CFAP54: variants seen among roughly 807,000 people sequenced by gnomAD.
CFAP54 encodes cilia and flagella associated protein 54.
In CFAP54, 290 loss-of-function variants were observed where a neutral mutation model predicts 370.4. The ratio of observed to expected loss-of-function variants is 0.78; its 90% CI spans 0.71 to 0.86. The LOEUF is 0.86. Ranked by LOEUF, CFAP54 falls within the 40% of genes least tolerant of loss-of-function variation. The pLI is 0.00. For missense variants in CFAP54, 3,399 were observed against 3,528.7 expected (o/e 0.96, Z 0.93); for synonymous variants, 1,206 against 1,236.5 (o/e 0.98, Z 0.52).
chr12:96,615,946 A>G (rs1393752183), intron 26 of CFAP54, among the ~76,000 whole-genome samples: 1 of 152,214 alleles, frequency 6.6e-6, no homozygotes, highest in African/African-American at 2.4e-5. Flanking sequence ...ATTGTGGAAG[A>G]CAGTGTGGCG....
At chr12:96,544,870 A>G (rs1473441403) in intron 14 of CFAP54, among the ~76,000 whole-genome samples, 1 of 150,480 alleles carries the variant, frequency 6.6e-6, no homozygotes, top group Non-Finnish European at 1.5e-5. Context: ...AGCATCAGTG[A>G]TAGGGGGCTG....
intron 63 of CFAP54, among the ~76,000 whole-genome samples, chr12:96,796,254 C>T (rs901486003): frequency 3.9e-5 from 6 of 152,194 alleles, no homozygotes; most frequent in African/African-American, 7.2e-5. Flanking sequence ...TCTGTCCATT[C>T]GAGTGGGAAC....
At chr12:96,621,884 T>G (rs919812910) in intron 27 of CFAP54, among the ~76,000 whole-genome samples, 163 bp downstream of exon 27, 12 of 128,594 alleles carry the variant, frequency 9.3e-5, no homozygotes, top group South Asian at 8.5e-4. Context: ...TGTTTTTTTT[T>G]TTTTTTTTTT....
intron 5 of CFAP54, 132 bp from the exon 6 acceptor site, chr12:96,518,796 C>T (rs1319832318): frequency 2.6e-6 from 2 of 763,416 alleles, no homozygotes; most frequent in Middle Eastern, 3.9e-4. Flanking sequence ...CTTCTTGACA[C>T]GTTATTTATG....
intron 65 of CFAP54, among the ~76,000 whole-genome samples, chr12:96,826,754 T>C (rs1486669285): frequency 3.6e-5 from 4 of 112,420 alleles, no homozygotes; most frequent in Non-Finnish European, 6.5e-5. Flanking sequence ...TCTTATATAA[T>C]ACATATTAAT....
chr12:96,687,813 G>A (rs1039360671), intron 42 of CFAP54, among the ~76,000 whole-genome samples: 3 of 152,192 alleles, frequency 2.0e-5, no homozygotes, highest in Non-Finnish European at 2.9e-5. Context: ...GAATGGAAAA[G>A]CCAAGGAAAG....
Position 96,500,816 on chromosome 12 carries a change from A to G in CFAP54, c.318-18A>G. On this transcript the variant is annotated intron_variant, in intron 1 of 67. Coordinates refer to ENST00000524981, the MANE Select transcript of CFAP54 (RefSeq NM_001306084.2). ...CTGCAGACTTTGACAATGTCGTTTT[A>G]TTTTATGATTTTTACAGTGCCACTT... The G allele has an allele frequency of 6.7e-7, 1 of 1,498,838 alleles. No homozygotes were observed. The highest frequency in any genetic ancestry group is 1.3e-5 in the South Asian group (1 of 79,970). The allele number at this position is 1,498,838 out of a possible 1,614,324, so 92.8% of individuals were successfully genotyped here.
chr12:96,733,706 A>G (rs1331749864), intron 50 of CFAP54, among the ~76,000 whole-genome samples: 1 of 152,144 alleles, frequency 6.6e-6, no homozygotes, highest in Non-Finnish European at 1.5e-5. Context: ...CATACTTTCT[A>G]TCTGTCTAGT....
At chr12:96,681,017 A>G (rs1957263118) in intron 40 of CFAP54, among the ~76,000 whole-genome samples, 1 of 152,036 alleles carries the variant, frequency 6.6e-6, no homozygotes. Context: ...GGCGGGGCAG[A>G]GGTTGCAGTG....
chr12:96,647,841 A>C, intron 33 of CFAP54, 34 bp from the exon 34 acceptor site: 1 of 1,470,336 alleles, frequency 6.8e-7, no homozygotes, highest in Non-Finnish European at 8.9e-7. Context: ...TTTTGCTTAT[A>C]TTGTTTTTTA....
chr12:96,867,116 T>A (rs961535701), intron 67 of CFAP54, among the ~76,000 whole-genome samples: 2 of 152,136 alleles, frequency 1.3e-5, no homozygotes, highest in Non-Finnish European at 2.9e-5. Flanking sequence ...AAAAATTAAA[T>A]CTTCATTTTG....
intron 12 of CFAP54, among the ~76,000 whole-genome samples, chr12:96,537,337 C>A (rs1955517166): frequency 6.6e-6 from 1 of 151,918 alleles, no homozygotes; most frequent in Non-Finnish European, 1.5e-5. Context: ...CCCCCTGCTC[C>A]AATTCCTTAT....
chr12:96,619,857 G>A (rs1226404854), intron 26 of CFAP54, among the ~76,000 whole-genome samples: 1 of 151,860 alleles, frequency 6.6e-6, no homozygotes, highest in Non-Finnish European at 1.5e-5. Context: ...AATGAGATTT[G>A]ACTGTTTTGC....
chr12:96,650,022 T>C lies in CFAP54; in HGVS notation c.4822T>C (p.Cys1608Arg). ...AKEKDRGANL[C>R]VMDHFMKIFL... The stretch of plus-strand genomic sequence containing the variant: ...AGAAAAGGACCGAGGAGCAAATTTG[T>C]GTGTAATGGATCATTTTATGAAAAT... Residue 1608 changes from cysteine (C) to arginine (R), a missense_variant, in exon 35 of 68, where the codon TGT becomes CGT. This residue lies in a region of CFAP54 where 2,796 missense variants were observed against 2,869.7 expected (regional missense o/e 0.97). Transcript: ENST00000524981. 1 of 1,613,534 alleles carries C rather than the reference T, an allele frequency of 6.2e-7. No individual in the cohort carries two copies. Among genetic ancestry groups the C allele is most frequent in the Admixed American group, 1.7e-5 (1 of 59,890 alleles).
At chr12:96,797,736 C>A (rs1037945050) in intron 63 of CFAP54, among the ~76,000 whole-genome samples, 1 of 151,944 alleles carries the variant, frequency 6.6e-6, no homozygotes, top group Non-Finnish European at 1.5e-5. Flanking sequence ...TTGCTTTCAA[C>A]CCTTCCATGT....
At chr12:96,872,874 C>G (rs1960204741) in intron 67 of CFAP54, among the ~76,000 whole-genome samples, 1 of 152,080 alleles carries the variant, frequency 6.6e-6, no homozygotes, top group African/African-American at 2.4e-5. Flanking sequence ...TATCCCCAAA[C>G]TAAGACAGCT....
chr12:96,827,826 T>C (rs1959137511), intron 65 of CFAP54, among the ~76,000 whole-genome samples: 1 of 112,228 alleles, frequency 8.9e-6, no homozygotes, highest in African/African-American at 3.6e-5. Context: ...ATATTATATA[T>C]AGTTATATAT....
intron 5 of CFAP54, among the ~76,000 whole-genome samples, chr12:96,515,955 G>A (rs1295796394): frequency 7.7e-6 from 1 of 129,660 alleles, no homozygotes; most frequent in Non-Finnish European, 1.6e-5. Context: ...TCGCTCTGTC[G>A]CCCAGGCTGG....
Position 96,744,102 on chromosome 12 carries a change from A to G in CFAP54, c.7640A>G (p.Tyr2547Cys), listed in dbSNP as rs148477724. 1,300 of 1,610,122 alleles carry G rather than the reference A, an allele frequency of 8.1e-4. No individual in the cohort carries two copies. Among genetic ancestry groups the G allele is most frequent in the Non-Finnish European group, 1.0e-3 (1,221 of 1,177,058 alleles). The change falls in exon 55 of 68, where the codon TAT becomes TGT. Residue 2547 changes from tyrosine (Y) to cysteine (C), a missense_variant. By Grantham distance (194) the Tyr-to-Cys change is radical. Coordinates refer to ENST00000524981, the MANE Select transcript of CFAP54 (RefSeq NM_001306084.2). ...CCATTACAGCCTTTGAAAAATATCT[A>G]TCTTCCCCATGTCATGTTATTGGCC... The part of the protein sequence containing the change: ...ANPLQPLKNI[Y>C]LPHVMLLAKI...
Sources: gnomAD v4.1 joint callset for allele counts (sites outside exome capture counted in the v4.1 genomes callset) on GRCh38, gnomAD v4.1.1 for gene constraint, gnomAD v4.1.1 regional missense constraint, MANE v1.5 for transcripts, NCBI Gene and HGNC (gene_info 2026-07-23, HGNC 2026-07-21) for gene names.